NTN1: variants seen among roughly 807,000 people sequenced by gnomAD.
The protein encoded by NTN1 is netrin-1.
In NTN1, 11 loss-of-function variants were observed where a neutral mutation model predicts 54.2. The ratio of observed to expected loss-of-function variants is 0.20; its 90% CI spans 0.13 to 0.34. The LOEUF (loss-of-function observed/expected upper bound fraction) is 0.34. Ranked by LOEUF, NTN1 falls within the 10% of genes least tolerant of loss-of-function variation. NTN1 has a pLI of 1.00. For missense variants in NTN1, 740 were observed against 893.1 expected (o/e 0.83, Z 2.18); for synonymous variants, 371 against 382.0 (o/e 0.97, Z 0.33).
chr17:9,178,994 C>A (rs1275427637), intron 3 of NTN1: 1 of 152,214 alleles, frequency 6.6e-6, no homozygotes, highest in Admixed American at 6.5e-5. Flanking sequence ...GGCAACCCCA[C>A]CTCTCCACCC....
chr17:9,044,593 T>G (rs150632433), intron 2 of NTN1, among the ~76,000 whole-genome samples: 1 of 152,162 alleles, frequency 6.6e-6, no homozygotes, highest in African/African-American at 2.4e-5. Context: ...CTCATGTGTA[T>G]GTAAGATCAC....
intron 5 of NTN1, among the ~76,000 whole-genome samples, chr17:9,188,938 A>G (rs1325234593): frequency 6.6e-6 from 1 of 152,342 alleles, no homozygotes; most frequent in East Asian, 1.9e-4. Context: ...AAAGGGTGGT[A>G]TGAAGCGGGA....
chr17:9,054,643 C>T (rs2091972724), intron 2 of NTN1, among the ~76,000 whole-genome samples: 1 of 152,128 alleles, frequency 6.6e-6, no homozygotes, highest in African/African-American at 2.4e-5. Flanking sequence ...AATGAGAAGA[C>T]ATGCTAAATA....
At chr17:9,076,668 G>A (rs745700663) in intron 2 of NTN1, among the ~76,000 whole-genome samples, 1 of 152,156 alleles carries the variant, frequency 6.6e-6, no homozygotes, top group Non-Finnish European at 1.5e-5. Flanking sequence ...GAGCCATTGC[G>A]CCCGGCCTAG....
intron 2 of NTN1, among the ~76,000 whole-genome samples, chr17:9,046,803 A>T (rs1381456269): frequency 1.3e-5 from 2 of 152,192 alleles, no homozygotes; most frequent in East Asian, 3.8e-4. Context: ...ATAAATAAAT[A>T]AAAAAGAGAA....
At chr17:9,233,954 C>A (rs1597553469) in intron 6 of NTN1, among the ~76,000 whole-genome samples, 1 of 152,204 alleles carries the variant, frequency 6.6e-6, no homozygotes, top group Admixed American at 6.5e-5. Context: ...GTGCTCAAGG[C>A]ACCCAGCCTG....
intron 2 of NTN1, among the ~76,000 whole-genome samples, chr17:9,138,230 C>T (rs1384715825): frequency 6.6e-6 from 1 of 152,210 alleles, no homozygotes; most frequent in Non-Finnish European, 1.5e-5. Context: ...ATTCCTTTCC[C>T]CAAATTGCTC....
intron 6 of NTN1, among the ~76,000 whole-genome samples, chr17:9,227,482 C>T (rs1477924782): frequency 7.4e-6 from 1 of 134,356 alleles, no homozygotes; most frequent in Non-Finnish European, 1.6e-5. Flanking sequence ...ACACACATAG[C>T]ACACACACAT....
chr17:9,107,974 T>G (rs1172424948), intron 2 of NTN1, among the ~76,000 whole-genome samples: 1 of 152,214 alleles, frequency 6.6e-6, no homozygotes, highest in Non-Finnish European at 1.5e-5. Context: ...TCATCAAACA[T>G]AGTTTGATCA....
At position 9,211,072 on chromosome 17, in the gene NTN1, AT is replaced by A. The variant is rs1372356769; in HGVS notation, c.1412-10093del. ...ACCAGCCACAGGCCCACCACCCAAC[AT>A]TTCTGGCACATGCTATTCTTCTAGA... On this transcript the variant is annotated intron_variant, in intron 5 of 6. Coordinates refer to ENST00000173229, the MANE Select transcript of NTN1 (RefSeq NM_004822.3). This position sits in a 1 kb window ranked among gnomAD's most constrained non-coding sequence, Gnocchi z 4.4. Among the ~76,000 whole-genome samples the A allele has an allele frequency of 1.3e-5, 2 of 152,166 alleles. No individual in the cohort carries two copies. Among genetic ancestry groups the A allele is most frequent in the East Asian group, 3.9e-4 (2 of 5,172 alleles).
At chr17:9,141,184 C>A (rs918039509) in intron 2 of NTN1, among the ~76,000 whole-genome samples, 1 of 151,642 alleles carries the variant, frequency 6.6e-6, no homozygotes, top group Non-Finnish European at 1.5e-5. Flanking sequence ...ATTTGGGAGT[C>A]ATTTCCCCCC....
rs1295431198 is a variant in NTN1 at position 9,104,084 on chromosome 17, A to G, written c.1019-58729A>G. On this transcript the variant is annotated intron_variant, in intron 2 of 6. Coordinates refer to ENST00000173229, the MANE Select transcript of NTN1 (RefSeq NM_004822.3). ...AGCCTGGGCAACAGAGAGAGACTCCATCTCAAAAAAAAAAAAAAAAAAAAA... is the reference window on the plus strand; with the variant it reads ...AGCCTGGGCAACAGAGAGAGACTCCGTCTCAAAAAAAAAAAAAAAAAAAAA... Among the ~76,000 whole-genome samples the G allele has an allele frequency of 4.1e-4, 35 of 85,650 alleles. No homozygotes were observed. In the East Asian group the frequency reaches 0.015, roughly 37 times the overall value. The allele number at this position is 85,650 out of a possible 152,430, so 56.2% of individuals were successfully genotyped here.
At chr17:9,048,314 C>CTTTTT (rs34970192) in intron 2 of NTN1, among the ~76,000 whole-genome samples, 2 of 148,834 alleles carry the variant, frequency 1.3e-5, no homozygotes, top group African/African-American at 2.5e-5. Flanking sequence ...TGAAAGGAAT[C>CTTTTT]TTTTTTTTTT....
At chr17:9,053,643 G>A (rs899218894) in intron 2 of NTN1, among the ~76,000 whole-genome samples, 1 of 152,214 alleles carries the variant, frequency 6.6e-6, no homozygotes, top group African/African-American at 2.4e-5. Flanking sequence ...CAGGATGCTG[G>A]CACATTGCAG....
intron 2 of NTN1, among the ~76,000 whole-genome samples, chr17:9,151,111 GC>G (rs935976943): frequency 4.6e-5 from 7 of 152,042 alleles, no homozygotes; most frequent in African/African-American, 1.7e-4. Context: ...AGACTTATCT[GC>G]CCCCCACCCC....
intron 2 of NTN1, among the ~76,000 whole-genome samples, chr17:9,065,297 G>A (rs1032090261): frequency 6.6e-5 from 10 of 152,140 alleles, no homozygotes; most frequent in South Asian, 2.1e-4. Context: ...TCCGTCGGAC[G>A]GTGGCACAGA....
At chr17:9,032,082 C>T (rs2091890004) in intron 2 of NTN1, among the ~76,000 whole-genome samples, 1 of 152,094 alleles carries the variant, frequency 6.6e-6, no homozygotes, top group Non-Finnish European at 1.5e-5. Flanking sequence ...GACGTGTCCA[C>T]TTGCACTAAC....
rs1353894647 is a variant in NTN1 at position 9,022,615 on chromosome 17, G to C, written c.242G>C (p.Ser81Thr). 1.9e-6 allele frequency: 3 copies of C among 1,550,988 alleles called. No individual in the cohort carries two copies. The African/African-American group carries it at 4.1e-5, about 21-fold the overall frequency. The change falls in exon 2 of 7, where the codon AGC becomes ACC. Residue 81 changes from serine (S) to threonine (T), a missense_variant. Physicochemically the swap from Ser to Thr is moderately conservative, Grantham distance 58. Coordinates refer to ENST00000173229, the MANE Select transcript of NTN1 (RefSeq NM_004822.3). ...CCCCCGGCGCGCTACTGCGTGGTGA[G>C]CGAGCGCGGCGAGGAGCGGCTGCGC... ...GRPPARYCVV[S>T]ERGEERLRSC...
intron 2 of NTN1, among the ~76,000 whole-genome samples, chr17:9,038,228 TC>T (rs2091909356): frequency 1.0e-5 from 1 of 98,440 alleles, no homozygotes; most frequent in Non-Finnish European, 2.0e-5. Context: ...TCTGTGTCTC[TC>T]TCTCTTTCTC....
Sources: gnomAD v4.1 joint callset for allele counts (sites outside exome capture counted in the v4.1 genomes callset) on GRCh38, gnomAD v4.1.1 for gene constraint, Gnocchi (gnomAD v3.1) non-coding constraint, MANE v1.5 for transcripts, NCBI Gene and HGNC (gene_info 2026-07-23, HGNC 2026-07-21) for gene names.